Variants in TNIK observed in about 807,000 individuals in gnomAD.
The protein encoded by TNIK is TRAF2 and NCK-interacting protein kinase.
Under a neutral mutation model 191.3 loss-of-function variants are expected in TNIK, and 49 were observed. That is an observed-to-expected ratio of 0.26 (90% confidence interval 0.20 to 0.32). The LOEUF (loss-of-function observed/expected upper bound fraction) is 0.32. TNIK is among the 10% of genes least tolerant of loss of function. The probability of loss-of-function intolerance (pLI) is 1.00; values close to 1 mark genes in which losing one functional copy is unlikely to be tolerated. For missense variants in TNIK, 1,155 were observed against 1,702.3 expected, an observed-to-expected ratio of 0.68 and a Z score of 5.66; for synonymous variants, 594 against 600.9, an observed-to-expected ratio of 0.99 and a Z score of 0.17.
intron 1 of TNIK, among the ~76,000 whole-genome samples, chr3:171,391,363 A>G (rs1719489232): frequency 6.6e-6 from 1 of 152,234 alleles, no homozygotes; most frequent in East Asian, 1.9e-4. Flanking sequence ...CATCAGATGT[A>G]TATAAAGCTG....
chr3:171,419,411 A>C (rs1210696259), intron 1 of TNIK, among the ~76,000 whole-genome samples: 1 of 152,226 alleles, frequency 6.6e-6, no homozygotes, highest in Non-Finnish European at 1.5e-5. Context: ...AAAATGTTCT[A>C]AAATTGACTG....
At chr3:171,418,002 G>A (rs1170858340) in intron 1 of TNIK, among the ~76,000 whole-genome samples, 2 of 152,164 alleles carry the variant, frequency 1.3e-5, no homozygotes, top group African/African-American at 4.8e-5. Flanking sequence ...GAGAAAAAGA[G>A]ATTACATGTG....
chr3:171,429,862 T>A (rs1725142079), intron 1 of TNIK, among the ~76,000 whole-genome samples: 1 of 152,130 alleles, frequency 6.6e-6, no homozygotes, highest in African/African-American at 2.4e-5. Context: ...GTTTGCAGCA[T>A]TCCTCCCCCG....
intron 28 of TNIK, among the ~76,000 whole-genome samples, chr3:171,077,336 C>G (rs1036100134): frequency 1.3e-5 from 2 of 152,114 alleles, no homozygotes; most frequent in African/African-American, 2.4e-5. Context: ...TCCTGGACTA[C>G]TAGGTTTAGT....
chr3:171,422,965 A>G (rs1035613515), intron 1 of TNIK, among the ~76,000 whole-genome samples: 1 of 152,208 alleles, frequency 6.6e-6, no homozygotes, highest in Admixed American at 6.5e-5. Context: ...CCCAGGTTGA[A>G]CTTTCCCTTT....
intron 1 of TNIK, among the ~76,000 whole-genome samples, chr3:171,443,701 C>T (rs1330572292): frequency 6.6e-6 from 1 of 152,094 alleles, no homozygotes; most frequent in African/African-American, 2.4e-5. Flanking sequence ...GTAGCACACA[C>T]CTGTAGTCCC....
At chr3:171,216,620 A>G (rs887617101) in intron 3 of TNIK, among the ~76,000 whole-genome samples, 5 of 152,206 alleles carry the variant, frequency 3.3e-5, no homozygotes, top group African/African-American at 7.2e-5. Flanking sequence ...AAGTTGGTGT[A>G]TAACATACAG....
intron 2 of TNIK, among the ~76,000 whole-genome samples, chr3:171,234,804 C>T (rs1744066380): frequency 6.6e-6 from 1 of 152,186 alleles, no homozygotes; most frequent in Non-Finnish European, 1.5e-5. Context: ...ACACGCACAG[C>T]TGAAGTGACA....
At chr3:171,290,715 T>G (rs903456586) in intron 2 of TNIK, among the ~76,000 whole-genome samples, 5 of 152,180 alleles carry the variant, frequency 3.3e-5, no homozygotes, top group African/African-American at 1.2e-4. Context: ...CATCTGAAAC[T>G]TCCAAATCCT....
At chr3:171,455,090 C>T (rs999514216) in intron 1 of TNIK, among the ~76,000 whole-genome samples, 15 of 152,132 alleles carry the variant, frequency 9.9e-5, no homozygotes, top group East Asian at 5.8e-4. Flanking sequence ...GTAATGAATG[C>T]TTAATACTGG....
At chr3:171,350,491 C>G (rs1712970739) in intron 2 of TNIK, among the ~76,000 whole-genome samples, 1 of 150,368 alleles carries the variant, frequency 6.7e-6, no homozygotes, top group African/African-American at 2.4e-5. Flanking sequence ...TCTGTTAATT[C>G]TTCTCCCTGT....
Position 171,282,334 on chromosome 3 carries a change from G to GTTTTTTTTTTTTTTTTT in TNIK, c.124-54114_124-54113insAAAAAAAAAAAAAAAAA, listed in dbSNP as rs201489240. Among the ~76,000 whole-genome samples the GTTTTTTTTTTTTTTTTT allele has an allele frequency of 7.4e-3, 842 of 114,248 alleles. 68 individuals are homozygous for GTTTTTTTTTTTTTTTTT. The highest frequency in any genetic ancestry group is 0.011 in the Non-Finnish European group (635 of 55,898). The allele number at this position is 114,248 out of a possible 152,430, so 75.0% of individuals were successfully genotyped here. The stretch of plus-strand genomic sequence containing the variant: ...GAACTATCTGCAGATTCTCTTAATG[G>GTTTTTTTTTTTTTTTTT]TTTTTTGTTTTTTTTTTTTTTTTTG... On this transcript the variant is annotated intron_variant, in intron 2 of 32. Transcript: ENST00000436636.
At chr3:171,133,160 T>A (rs1254326521) in intron 15 of TNIK, among the ~76,000 whole-genome samples, 4 of 152,228 alleles carry the variant, frequency 2.6e-5, no homozygotes, top group African/African-American at 9.6e-5. Flanking sequence ...GATGCAATCT[T>A]GTCTGACTCT....
intron 2 of TNIK, among the ~76,000 whole-genome samples, chr3:171,241,657 C>T: frequency 6.6e-6 from 1 of 152,136 alleles, no homozygotes; most frequent in East Asian, 1.9e-4. Context: ...GCAGAGGTAA[C>T]TGCATCTCTA....
At chr3:171,140,378 G>C in intron 13 of TNIK, 21 bp downstream of exon 13, 1 of 1,525,272 alleles carries the variant, frequency 6.6e-7, no homozygotes, top group South Asian at 1.3e-5. Flanking sequence ...CCATCAGTGG[G>C]GCTCCTGGTC....
At chr3:171,455,061 G>A (rs1560095401) in intron 1 of TNIK, among the ~76,000 whole-genome samples, 1 of 152,088 alleles carries the variant, frequency 6.6e-6, no homozygotes, top group East Asian at 1.9e-4. Context: ...AAAACTTCAG[G>A]GCTGCACTTA....
At chr3:171,180,458 C>T (rs1010090403) in intron 7 of TNIK, among the ~76,000 whole-genome samples, 3 of 152,216 alleles carry the variant, frequency 2.0e-5, no homozygotes, top group Non-Finnish European at 4.4e-5. Context: ...AACACACATA[C>T]ATAAGAACCT....
chr3:171,086,186 C>A (rs1390243220), intron 24 of TNIK, among the ~76,000 whole-genome samples: 1 of 152,096 alleles, frequency 6.6e-6, no homozygotes, highest in Non-Finnish European at 1.5e-5. Context: ...AAAAATAAAA[C>A]CACCATCCAA....
chr3:171,152,924 ACCACACCC>A (rs1732656024), intron 12 of TNIK, among the ~76,000 whole-genome samples: 1 of 151,682 alleles, frequency 6.6e-6, no homozygotes, highest in South Asian at 2.1e-4. Context: ...GGCGCCTGCC[ACCACACCC>A]GGCTATTTTT....
Sources: gnomAD v4.1 joint callset for allele counts (sites outside exome capture counted in the v4.1 genomes callset) on GRCh38, gnomAD v4.1.1 for gene constraint, MANE v1.5 for transcripts, NCBI Gene and HGNC (gene_info 2026-07-23, HGNC 2026-07-21) for gene names.